The following LRRFIP1 variants were observed in gnomAD, a reference collection of about 807,000 sequenced individuals.
LRRFIP1 encodes the protein leucine-rich repeat flightless-interacting protein 1.
LRRFIP1 carries 62 observed loss-of-function variants against 104.4 expected under a neutral mutation model. The observed-to-expected ratio is 0.59, with a 90% confidence interval of 0.48 to 0.73. LRRFIP1 has a LOEUF of 0.73. Ranked by LOEUF, LRRFIP1 falls within the 30% of genes least tolerant of loss-of-function variation. LRRFIP1 has a pLI of 0.00. For missense variants in LRRFIP1, 796 were observed against 824.5 expected (o/e 0.97, Z 0.42); for synonymous variants, 300 against 299.0 (o/e 1.00, Z -0.03).
At chr2:237,743,020 C>T (rs906092027) in intron 11 of LRRFIP1, among the ~76,000 whole-genome samples, 7 of 149,250 alleles carry the variant, frequency 4.7e-5, no homozygotes, top group Non-Finnish European at 1.0e-4. Flanking sequence ...AAAAGAAACC[C>T]CCCCAAAAAA....
rs2060268835 is a variant in LRRFIP1 at position 237,766,669 on chromosome 2, A to G, written c.1460-3274A>G. On this transcript the variant is annotated intron_variant, in intron 19 of 23. Transcript: ENST00000308482. The surrounding 1 kb of genome is among the most constrained non-coding windows in gnomAD (Gnocchi z 4.8). ...ATGGAAGGCACTGTGCCAGTGAACA[A>G]GCAGTTGGACCCAGCCCTCCAGTAG... Among the ~76,000 whole-genome samples, 1 of 152,210 alleles carries G rather than the reference A, an allele frequency of 6.6e-6. No homozygotes were observed. The highest frequency in any genetic ancestry group is 6.5e-5 in the Admixed American group (1 of 15,282).
At chr2:237,706,291 C>T (rs1340952488) in intron 1 of LRRFIP1, among the ~76,000 whole-genome samples, 4 of 152,164 alleles carry the variant, frequency 2.6e-5, no homozygotes, top group African/African-American at 9.7e-5. Context: ...CTTCTGGTGG[C>T]CCTTCTTTCC....
At chr2:237,672,799 A>G (rs2090545632) in intron 1 of LRRFIP1, among the ~76,000 whole-genome samples, 3 of 152,320 alleles carry the variant, frequency 2.0e-5, no homozygotes, top group Admixed American at 2.0e-4. Context: ...CCAAATGTGG[A>G]TGATATATCC....
chr2:237,720,385 T>G (rs1181506385), intron 5 of LRRFIP1, among the ~76,000 whole-genome samples: 2 of 152,014 alleles, frequency 1.3e-5, no homozygotes, highest in African/African-American at 4.8e-5. Context: ...GTACCTGGGA[T>G]TACAGGCACG....
intron 1 of LRRFIP1, among the ~76,000 whole-genome samples, chr2:237,670,315 A>C (rs1419717501): frequency 6.6e-6 from 1 of 152,134 alleles, no homozygotes; most frequent in Non-Finnish European, 1.5e-5. Flanking sequence ...TGAGATAATG[A>C]CATTGGTCTG....
chr2:237,631,150 T>G (rs1000776165), intron 1 of LRRFIP1, among the ~76,000 whole-genome samples: 3 of 151,926 alleles, frequency 2.0e-5, no homozygotes, highest in South Asian at 2.1e-4. Flanking sequence ...TTCAAGGAAG[T>G]GGGAGGGAGT....
chr2:237,640,176 A>G (rs1350627435), intron 1 of LRRFIP1, among the ~76,000 whole-genome samples: 2 of 152,120 alleles, frequency 1.3e-5, no homozygotes, highest in Non-Finnish European at 2.9e-5. Context: ...AGAGGGGGCC[A>G]CATACCCTGG....
At chr2:237,641,972 C>A (rs1223497057) in intron 1 of LRRFIP1, among the ~76,000 whole-genome samples, 1 of 152,208 alleles carries the variant, frequency 6.6e-6, no homozygotes, top group East Asian at 1.9e-4. Flanking sequence ...TTCCTCCTAA[C>A]TCCCATGACT....
intron 19 of LRRFIP1, chr2:237,762,527 G>A (rs3739047): frequency 0.041 from 48,492 of 1,177,976 alleles, 2,094 homozygotes; most frequent in East Asian, 0.15. Flanking sequence ...GATTTGGAAC[G>A]TGTGTTTACA....
intron 1 of LRRFIP1, among the ~76,000 whole-genome samples, chr2:237,667,736 A>G (rs1322162760): frequency 2.6e-5 from 4 of 152,054 alleles, no homozygotes; most frequent in Non-Finnish European, 5.9e-5. Flanking sequence ...TGTGGCTTTC[A>G]TAGTATTCAT....
chr2:237,711,362 T>A lies in LRRFIP1; in HGVS notation c.183+2732T>A, dbSNP rs1296230722. Among the ~76,000 whole-genome samples, 4 of 151,026 alleles carry A rather than the reference T, an allele frequency of 2.6e-5. No homozygotes were observed. The East Asian group carries it at 7.8e-4, about 29-fold the overall frequency. On this transcript the variant is annotated intron_variant, in intron 2 of 23. Coordinates refer to ENST00000308482, the MANE Select transcript of LRRFIP1 (RefSeq NM_001137550.2). The surrounding 1 kb of genome is among the most constrained non-coding windows in gnomAD (Gnocchi z 4.4). ...TTTTATCATAAAGATATTTCAGGGG[T>A]CACAGGGGTCAAGATATCTCGCCCT...
chr2:237,670,782 C>T (rs1038546677), intron 1 of LRRFIP1, among the ~76,000 whole-genome samples: 1 of 152,228 alleles, frequency 6.6e-6, no homozygotes, highest in African/African-American at 2.4e-5. Flanking sequence ...TCAGTTTCTG[C>T]GTCTAAGCTA....
rs140118446 is a variant in LRRFIP1 at position 237,695,813 on chromosome 2, T to C, written c.97-12731T>C. On this transcript the variant is annotated intron_variant, in intron 1 of 23. Coordinates refer to ENST00000308482, the MANE Select transcript of LRRFIP1 (RefSeq NM_001137550.2). ...TCATGGAATGGACTTACTAGAACTT[T>C]TATTATTCAGACTACCTAGATAAAA... 1.2e-3 allele frequency among the ~76,000 whole-genome samples: 184 copies of C among 152,302 alleles called. 2 individuals carry two copies. Among genetic ancestry groups the C allele is most frequent in the African/African-American group, 4.3e-3 (178 of 41,558 alleles).
intron 2 of LRRFIP1, among the ~76,000 whole-genome samples, chr2:237,714,031 C>T (rs909561390): frequency 5.3e-5 from 8 of 152,172 alleles, no homozygotes; most frequent in Non-Finnish European, 7.4e-5. Flanking sequence ...TGGTAAGATT[C>T]GTGTGGCTAT....
chr2:237,703,057 T>TA lies in LRRFIP1; in HGVS notation c.97-5486dup, dbSNP rs1305723600. 6.6e-6 allele frequency among the ~76,000 whole-genome samples: 1 copy of TA among 152,092 alleles called. No individual in the cohort carries two copies. The highest frequency in any genetic ancestry group is 1.5e-5 in the Non-Finnish European group (1 of 67,996). On this transcript the variant is annotated intron_variant, in intron 1 of 23. Coordinates refer to ENST00000308482, the MANE Select transcript of LRRFIP1 (RefSeq NM_001137550.2). This position sits in a 1 kb window ranked among gnomAD's most constrained non-coding sequence, Gnocchi z 4.3. Reference sequence around the variant, plus strand: ...CTTGCTCTTTCCCTGTTGGCTCCTGTAGGGTGGGGACAGACCAGCCCCCAT... The same window carrying TA: ...CTTGCTCTTTCCCTGTTGGCTCCTGTAAGGGTGGGGACAGACCAGCCCCCAT...
At chr2:237,763,321 TACAGTAGAC>T in intron 19 of LRRFIP1, 4 of 1,613,882 alleles carry the variant, frequency 2.5e-6, no homozygotes, top group Non-Finnish European at 3.4e-6. Context: ...CAGGTCCAAG[TACAGTAGAC>T]ACTCAAAATG....
At chr2:237,669,813 C>A (rs993567805) in intron 1 of LRRFIP1, among the ~76,000 whole-genome samples, 9 of 152,180 alleles carry the variant, frequency 5.9e-5, no homozygotes, top group Non-Finnish European at 8.8e-5. Flanking sequence ...TGAGCTCATT[C>A]CTAGGAAACA....
chr2:237,749,125 T>C, intron 12 of LRRFIP1, 74 bp from the exon 13 acceptor site: 1 of 1,501,648 alleles, frequency 6.7e-7, no homozygotes, highest in South Asian at 1.2e-5. Context: ...TTATGGGGAT[T>C]ACAATTCCAG....
At chr2:237,679,461 A>G (rs1006881020) in intron 1 of LRRFIP1, among the ~76,000 whole-genome samples, 2 of 152,238 alleles carry the variant, frequency 1.3e-5, no homozygotes, top group African/African-American at 2.4e-5. Flanking sequence ...GAAATCAGCA[A>G]TATAACTACT....
Sources: allele counts gnomAD v4.1 joint callset (sites outside exome capture counted in the v4.1 genomes callset), GRCh38; gene constraint gnomAD v4.1.1; non-coding constraint Gnocchi (gnomAD v3.1); transcripts MANE v1.5; gene names NCBI Gene and HGNC (gene_info 2026-07-23, HGNC 2026-07-21).